The following CSMD1 variants were observed in gnomAD, a reference collection of about 807,000 sequenced individuals.
CSMD1 encodes CUB and sushi domain-containing protein 1.
A neutral mutation model predicts 417.5 loss-of-function variants in CSMD1; 213 were observed. The ratio of observed to expected loss-of-function variants is 0.51; its 90% CI spans 0.46 to 0.57. The LOEUF is 0.57. CSMD1 is among the 20% of genes least tolerant of loss of function. The probability of loss-of-function intolerance (pLI) is 0.00; values close to 1 mark genes in which losing one functional copy is unlikely to be tolerated. For synonymous variants in CSMD1, 2,862 were observed against 1,736.8 expected (o/e 1.65, Z -16.11); for missense variants, 6,923 against 4,529.7 (o/e 1.53, Z -15.17).
At chr8:4,450,413 G>A (rs1004303838) in intron 2 of CSMD1, among the ~76,000 whole-genome samples, 6 of 152,076 alleles carry the variant, frequency 3.9e-5, no homozygotes, top group Admixed American at 3.3e-4. Flanking sequence ...GGATCAGCAG[G>A]TCAAGAAATG....
intron 3 of CSMD1, among the ~76,000 whole-genome samples, chr8:4,349,444 C>T (rs1800961822): frequency 6.6e-6 from 1 of 152,148 alleles, no homozygotes; most frequent in South Asian, 2.1e-4. Flanking sequence ...GTCAGATTTA[C>T]AACTAGTGAT....
chr8:4,900,759 G>A (rs1447254175), intron 1 of CSMD1, among the ~76,000 whole-genome samples: 1 of 152,158 alleles, frequency 6.6e-6, no homozygotes, highest in Non-Finnish European at 1.5e-5. Flanking sequence ...TTTCAGCTCA[G>A]AATCACATTC....
chr8:3,011,682 C>T (rs1808393415), intron 52 of CSMD1, among the ~76,000 whole-genome samples: 1 of 152,140 alleles, frequency 6.6e-6, no homozygotes. Context: ...ACTCAAGCTA[C>T]CACTAATATC....
chr8:4,222,465 CAT>C (rs1801096892), intron 3 of CSMD1, among the ~76,000 whole-genome samples: 1 of 152,068 alleles, frequency 6.6e-6, no homozygotes, highest in Non-Finnish European at 1.5e-5. Context: ...CCTGGTCCGT[CAT>C]ATGTTCTCAG....
At chr8:3,262,550 G>T (rs1008188682) in intron 26 of CSMD1, among the ~76,000 whole-genome samples, 2 of 150,170 alleles carry the variant, frequency 1.3e-5, no homozygotes, top group Non-Finnish European at 3.0e-5. Context: ...AAAAAAAAAA[G>T]AAAAAGAAAA....
chr8:4,743,372 G>A (rs1810744715), intron 1 of CSMD1, among the ~76,000 whole-genome samples: 2 of 152,144 alleles, frequency 1.3e-5, no homozygotes, highest in African/African-American at 2.4e-5. Context: ...AACGTTCACA[G>A]GATGGAAATT....
chr8:3,471,474 T>C (rs1817094799), intron 11 of CSMD1, among the ~76,000 whole-genome samples: 1 of 152,142 alleles, frequency 6.6e-6, no homozygotes, highest in African/African-American at 2.4e-5. Context: ...GTTTGGAATC[T>C]GGCTTAGTTC....
intron 3 of CSMD1, among the ~76,000 whole-genome samples, chr8:4,368,588 A>C (rs757852603): frequency 6.6e-6 from 1 of 152,126 alleles, no homozygotes; most frequent in Non-Finnish European, 1.5e-5. Flanking sequence ...TTCGGCTTTG[A>C]ATACATTTGG....
chr8:3,770,140 G>C (rs756124878), intron 5 of CSMD1, among the ~76,000 whole-genome samples: 1 of 152,196 alleles, frequency 6.6e-6, no homozygotes, highest in Admixed American at 6.5e-5. Flanking sequence ...GAGACTAAAG[G>C]CTACCTGCAG....
intron 5 of CSMD1, among the ~76,000 whole-genome samples, chr8:3,790,015 G>A (rs1429807219): frequency 1.3e-5 from 2 of 152,196 alleles, no homozygotes; most frequent in East Asian, 1.9e-4. Context: ...ACAGGCGTAA[G>A]CCACCATGCC....
At chr8:4,844,204 G>C (rs1398672366) in intron 1 of CSMD1, among the ~76,000 whole-genome samples, 1 of 152,124 alleles carries the variant, frequency 6.6e-6, no homozygotes, top group Non-Finnish European at 1.5e-5. Context: ...AGTGTTAGTT[G>C]TAGGCACCTG....
chr8:3,900,012 GGGTGACACTAGCTA>G (rs1563191512), intron 5 of CSMD1, among the ~76,000 whole-genome samples: 1 of 152,240 alleles, frequency 6.6e-6, no homozygotes, highest in Non-Finnish European at 1.5e-5. Context: ...CAATGCAGCT[GGGTGACACTAGCTA>G]GGTGACACTG....
intron 10 of CSMD1, among the ~76,000 whole-genome samples, chr8:3,564,012 C>T (rs1799587004): frequency 6.6e-6 from 1 of 152,024 alleles, no homozygotes; most frequent in South Asian, 2.1e-4. Context: ...TTTTAAGCTA[C>T]TTTTATTTTG....
intron 2 of CSMD1, among the ~76,000 whole-genome samples, chr8:4,514,066 T>G (rs745817023): frequency 6.6e-6 from 1 of 152,048 alleles, no homozygotes; most frequent in Non-Finnish European, 1.5e-5. Flanking sequence ...AACAACAAAA[T>G]TTTTATTTTA....
chr8:4,567,317 A>C, intron 2 of CSMD1, among the ~76,000 whole-genome samples: 1 of 152,204 alleles, frequency 6.6e-6, no homozygotes, highest in East Asian at 1.9e-4. Flanking sequence ...ATGTTTATTA[A>C]AAGTAAGCAA....
chr8:4,650,177 C>G (rs13252377), intron 1 of CSMD1, among the ~76,000 whole-genome samples: 4 of 151,750 alleles, frequency 2.6e-5, no homozygotes, highest in Admixed American at 1.3e-4. Flanking sequence ...AACCCCGTCT[C>G]TAATAAAAAT....
intron 5 of CSMD1, among the ~76,000 whole-genome samples, chr8:3,857,605 TG>T (rs1311960002): frequency 6.6e-6 from 1 of 152,118 alleles, no homozygotes; most frequent in Non-Finnish European, 1.5e-5. Flanking sequence ...AGGTTTGTGG[TG>T]GGGCCAGGTG....
At chr8:3,185,225 C>G (rs770683591) in intron 36 of CSMD1, among the ~76,000 whole-genome samples, 1 of 152,194 alleles carries the variant, frequency 6.6e-6, no homozygotes, top group East Asian at 1.9e-4. Flanking sequence ...AGGAAATTAG[C>G]GTCAGAATTG....
intron 10 of CSMD1, among the ~76,000 whole-genome samples, chr8:3,504,551 A>T (rs1796743622): frequency 6.6e-6 from 1 of 152,218 alleles, no homozygotes; most frequent in African/African-American, 2.4e-5. Flanking sequence ...ACCCAGGCAC[A>T]TTCTGCCACC....
Sources: gnomAD v4.1 joint callset for allele counts (sites outside exome capture counted in the v4.1 genomes callset) on GRCh38, gnomAD v4.1.1 for gene constraint, MANE v1.5 for transcripts, NCBI Gene and HGNC (gene_info 2026-07-23, HGNC 2026-07-21) for gene names.